The following EXOC5 variants were observed in gnomAD, a reference collection of about 807,000 sequenced individuals.
The protein encoded by EXOC5 is SEC10-like 1.
EXOC5 carries 17 observed loss-of-function variants against 90.8 expected under a neutral mutation model. The ratio of observed to expected loss-of-function variants is 0.19; its 90% CI spans 0.13 to 0.28. EXOC5 has a LOEUF of 0.28. EXOC5 is among the 10% of genes least tolerant of loss of function. The probability of loss-of-function intolerance (pLI) is 1.00; values close to 1 mark genes in which losing one functional copy is unlikely to be tolerated. For missense variants in EXOC5, 569 were observed against 830.6 expected (o/e 0.69, Z 3.87); for synonymous variants, 260 against 270.0 (o/e 0.96, Z 0.36).
At chr14:57,215,021 G>C (rs1179374385) in intron 15 of EXOC5, among the ~76,000 whole-genome samples, 1 of 152,068 alleles carries the variant, frequency 6.6e-6, no homozygotes, top group Admixed American at 6.6e-5. Flanking sequence ...CCTGAGGTCA[G>C]GAGTTCAAGA....
intron 13 of EXOC5, among the ~76,000 whole-genome samples, chr14:57,220,538 A>T (rs1464861580): frequency 6.6e-6 from 1 of 152,058 alleles, no homozygotes; most frequent in Admixed American, 6.6e-5. Context: ...AAATAGCTTA[A>T]ATCAAAACAA....
At chr14:57,242,003 G>A (rs552406258) in intron 4 of EXOC5, among the ~76,000 whole-genome samples, 38 of 151,738 alleles carry the variant, frequency 2.5e-4, no homozygotes, top group Middle Eastern at 3.4e-3. Flanking sequence ...TATGGTGGCA[G>A]GCGCCTGTGG....
intron 3 of EXOC5, 59 bp from the exon 4 acceptor site, chr14:57,244,418 C>T (rs1028433144): frequency 2.6e-6 from 3 of 1,174,130 alleles, no homozygotes; most frequent in African/African-American, 1.5e-5. Context: ...ATAATCTAAA[C>T]TACTACTCTT....
intron 1 of EXOC5, among the ~76,000 whole-genome samples, chr14:57,265,617 C>A (rs900424804): frequency 6.6e-6 from 1 of 152,146 alleles, no homozygotes; most frequent in Non-Finnish European, 1.5e-5. Flanking sequence ...CCCAGCTACT[C>A]TGGAGGCTAA....
chr14:57,242,817 A>G lies in EXOC5; in HGVS notation c.465+1348T>C, dbSNP rs573517213. Among the ~76,000 whole-genome samples, 88 of 152,328 alleles carry G rather than the reference A, an allele frequency of 5.8e-4. 1 individual carries two copies. The highest frequency in any genetic ancestry group is 2.0e-3 in the African/African-American group (83 of 41,568). ...ACTGGTAGAACTAGGCCAAAAATTAATTCAACTGCAAAGATATGGAACCAA... is the reference window on the plus strand; with the variant it reads ...ACTGGTAGAACTAGGCCAAAAATTAGTTCAACTGCAAAGATATGGAACCAA... On this transcript the variant is annotated intron_variant, in intron 4 of 17. Transcript: ENST00000621441.
intron 1 of EXOC5, among the ~76,000 whole-genome samples, chr14:57,259,539 T>A (rs1594684427): frequency 6.6e-6 from 1 of 152,198 alleles, no homozygotes; most frequent in Non-Finnish European, 1.5e-5. Flanking sequence ...TCCTGCTTCC[T>A]AACCTGTGGC....
chr14:57,222,138 A>T (rs11846972), intron 13 of EXOC5, among the ~76,000 whole-genome samples, 170 bp downstream of exon 13: 47,134 of 152,004 alleles, frequency 0.31, 13,329 homozygotes, highest in African/African-American at 0.76. Flanking sequence ...AGAACCATTC[A>T]GTATAGCTTT....
chr14:57,264,913 T>C (rs1353293056), intron 1 of EXOC5, among the ~76,000 whole-genome samples: 2 of 152,202 alleles, frequency 1.3e-5, no homozygotes, highest in African/African-American at 2.4e-5. Flanking sequence ...ACAAGTTCTA[T>C]ACTTAATTCT....
chr14:57,258,250 A>AACG (rs1198130499), intron 1 of EXOC5, among the ~76,000 whole-genome samples: 3 of 152,224 alleles, frequency 2.0e-5, no homozygotes, highest in Non-Finnish European at 4.4e-5. Flanking sequence ...ATGCACACGT[A>AACG]CGTTTACTGC....
chr14:57,259,547 G>A (rs1566507012), intron 1 of EXOC5, among the ~76,000 whole-genome samples: 1 of 152,070 alleles, frequency 6.6e-6, no homozygotes, highest in Non-Finnish European at 1.5e-5. Flanking sequence ...CCTAACCTGT[G>A]GCCAGGTAAC....
chr14:57,232,750 C>A lies in EXOC5; in HGVS notation c.856-1G>T. 1 of 1,454,460 alleles carries A rather than the reference C, an allele frequency of 6.9e-7. No homozygotes were observed. Among genetic ancestry groups the A allele is most frequent in the South Asian group, 1.2e-5 (1 of 80,390 alleles). The allele number at this position is 1,454,460 out of a possible 1,614,324, so 90.1% of individuals were successfully genotyped here. On this transcript the variant is annotated splice_acceptor_variant, in intron 9 of 17. Transcript: ENST00000621441. LOFTEE classifies it high-confidence loss of function. ...CTTCTAACTGCTCTTTCACAAAACT[C>A]TAAAAGAAAAAGGTTAACATTCTGT...
At chr14:57,255,615 C>T (rs1029479405) in intron 1 of EXOC5, among the ~76,000 whole-genome samples, 3 of 152,114 alleles carry the variant, frequency 2.0e-5, no homozygotes, top group East Asian at 3.9e-4. Flanking sequence ...TGGCTCAGGC[C>T]GGAGCTCAGG....
At chr14:57,261,934 C>G (rs716690) in intron 1 of EXOC5, among the ~76,000 whole-genome samples, 1 of 152,066 alleles carries the variant, frequency 6.6e-6, no homozygotes, top group African/African-American at 2.4e-5. Context: ...GAAGTGAACA[C>G]AGAACCTACT....
Position 57,268,801 on chromosome 14 carries a change from G to A in EXOC5, c.-153C>T, listed in dbSNP as rs994001306. Reference sequence around the variant, plus strand: ...CAGCTCCCCACAGATCCCAGGAGGGGCGGGAGAGCGGCCATGAAGCGAAGC... The same window carrying A: ...CAGCTCCCCACAGATCCCAGGAGGGACGGGAGAGCGGCCATGAAGCGAAGC... On this transcript the variant is annotated 5_prime_UTR_variant, in exon 1 of 18. Transcript: ENST00000621441. 7.1e-7 allele frequency: 1 copy of A among 1,404,340 alleles called. No homozygotes were observed. The highest frequency in any genetic ancestry group is 3.2e-5 in the Admixed American group (1 of 30,990). 87.0% of individuals were successfully genotyped at this position (1,404,340 alleles called of 1,614,324 possible).
chr14:57,243,016 T>C (rs1031589674), intron 4 of EXOC5, among the ~76,000 whole-genome samples: 2 of 152,234 alleles, frequency 1.3e-5, no homozygotes, highest in Non-Finnish European at 2.9e-5. Flanking sequence ...AAATACCATA[T>C]GCTCTCATTT....
chr14:57,231,752 C>T lies in EXOC5; in HGVS notation c.939-37G>A, dbSNP rs373861715. ...AAAGGGGGAGAAAAAGATTAATATA[C>T]ATTTTAGGTATAGTAACAATATTAA... On this transcript the variant is annotated intron_variant, in intron 10 of 17. Transcript: ENST00000621441. 73 of 1,360,822 alleles carry T rather than the reference C, an allele frequency of 5.4e-5. No individual in the cohort carries two copies. The African/African-American group carries it at 9.0e-4, about 17-fold the overall frequency. 84.3% of individuals were successfully genotyped at this position (1,360,822 alleles called of 1,614,324 possible). A position where few individuals can be genotyped will look rare whatever the true frequency, so the allele number is the denominator to read the frequency against.
At chr14:57,228,947 T>C (rs566309051) in intron 12 of EXOC5, among the ~76,000 whole-genome samples, 6 of 152,238 alleles carry the variant, frequency 3.9e-5, no homozygotes, top group South Asian at 2.1e-4. Context: ...TTGCTAGTAG[T>C]ATCATTTACA....
At chr14:57,254,122 C>T (rs1219610715) in intron 1 of EXOC5, among the ~76,000 whole-genome samples, 5 of 152,166 alleles carry the variant, frequency 3.3e-5, no homozygotes, top group African/African-American at 4.8e-5. Flanking sequence ...ATATAAATGG[C>T]CAATAAGCAC....
intron 3 of EXOC5, among the ~76,000 whole-genome samples, chr14:57,245,660 A>C (rs1410203204): frequency 6.6e-6 from 1 of 152,204 alleles, no homozygotes; most frequent in Non-Finnish European, 1.5e-5. Flanking sequence ...GAATCTAAAA[A>C]ATTGAAACTT....
Sources: allele counts gnomAD v4.1 joint callset (sites outside exome capture counted in the v4.1 genomes callset), GRCh38; gene constraint gnomAD v4.1.1; transcripts MANE v1.5; gene names NCBI Gene and HGNC (gene_info 2026-07-23, HGNC 2026-07-21).